GAB1: variants seen among roughly 807,000 people sequenced by gnomAD.
GAB1 encodes the protein GRB2-associated-binding protein 1.
In GAB1, 19 loss-of-function variants were observed where a neutral mutation model predicts 66.5. That is an observed-to-expected ratio of 0.29 (90% CI 0.20 to 0.42). The LOEUF (loss-of-function observed/expected upper bound fraction) is 0.42. GAB1 is among the 10% of genes least tolerant of loss of function. The probability of loss-of-function intolerance (pLI) is 1.00; values close to 1 mark genes in which losing one functional copy is unlikely to be tolerated. For missense variants in GAB1, 732 were observed against 858.5 expected (o/e 0.85, Z 1.84); for synonymous variants, 294 against 301.4 (o/e 0.98, Z 0.25).
chr4:143,345,914 G>T (rs926846575), intron 1 of GAB1, among the ~76,000 whole-genome samples: 1 of 152,204 alleles, frequency 6.6e-6, no homozygotes, highest in African/African-American at 2.4e-5. Flanking sequence ...ATAGAAAATA[G>T]AGACAGGGTC....
At chr4:143,423,298 T>C (rs1305337618) in intron 2 of GAB1, among the ~76,000 whole-genome samples, 2 of 152,196 alleles carry the variant, frequency 1.3e-5, no homozygotes, top group African/African-American at 4.8e-5. Context: ...TATGTTAATG[T>C]GGTTTGGAGT....
At chr4:143,396,408 G>A (rs1731458128) in intron 1 of GAB1, among the ~76,000 whole-genome samples, 1 of 152,184 alleles carries the variant, frequency 6.6e-6, no homozygotes, top group Non-Finnish European at 1.5e-5. Flanking sequence ...GGCAGTGGAA[G>A]GGCATGAGGA....
intron 1 of GAB1, among the ~76,000 whole-genome samples, chr4:143,385,314 T>C (rs753913414): frequency 6.6e-6 from 1 of 152,178 alleles, no homozygotes. Flanking sequence ...GTAGGCTTAT[T>C]ATTGATCACT....
chr4:143,361,504 T>G (rs1729660954), intron 1 of GAB1, among the ~76,000 whole-genome samples: 1 of 152,210 alleles, frequency 6.6e-6, no homozygotes, highest in South Asian at 2.1e-4. Flanking sequence ...TCTGACTAAT[T>G]TAATCATAAA....
At chr4:143,353,596 A>AT (rs34049717) in intron 1 of GAB1, among the ~76,000 whole-genome samples, 83,048 of 143,348 alleles carry the variant, frequency 0.58, 24,041 homozygotes, top group East Asian at 0.7. Flanking sequence ...AGCTATTCTT[A>AT]TTTTTTTTTT....
chr4:143,467,263 T>C (rs940632741), intron 9 of GAB1, among the ~76,000 whole-genome samples: 6 of 152,242 alleles, frequency 3.9e-5, no homozygotes. Context: ...CTAATTGTAA[T>C]TCCCTTGTAG....
At chr4:143,429,217 C>A (rs1209680474) in intron 2 of GAB1, among the ~76,000 whole-genome samples, 1 of 152,166 alleles carries the variant, frequency 6.6e-6, no homozygotes, top group Non-Finnish European at 1.5e-5. Flanking sequence ...ATTCTCCCAC[C>A]TCAGCCTCCT....
intron 1 of GAB1, among the ~76,000 whole-genome samples, chr4:143,361,071 T>C (rs3805257): frequency 0.32 from 49,322 of 151,964 alleles, 8,230 homozygotes; most frequent in South Asian, 0.49. Context: ...TCACTGTTTC[T>C]GTTGGCATAG....
At chr4:143,349,808 G>A (rs895993320) in intron 1 of GAB1, 20 of 1,586,772 alleles carry the variant, frequency 1.3e-5, no homozygotes, top group Middle Eastern at 1.9e-4. Context: ...TGGCCGGCAC[G>A]GGTCTGCTTC....
chr4:143,373,863 A>AC (rs1491277412), intron 1 of GAB1, among the ~76,000 whole-genome samples: 1 of 110,976 alleles, frequency 9.0e-6, no homozygotes. Flanking sequence ...CTCTGTAAAT[A>AC]AATAAATATA....
chr4:143,383,320 A>G (rs1391357645), intron 1 of GAB1, among the ~76,000 whole-genome samples: 1 of 152,234 alleles, frequency 6.6e-6, no homozygotes, highest in Non-Finnish European at 1.5e-5. Flanking sequence ...ATTTCTATAT[A>G]TGATTTGGAC....
intron 6 of GAB1, among the ~76,000 whole-genome samples, chr4:143,441,773 A>C (rs540394023): frequency 6.6e-6 from 1 of 152,186 alleles, no homozygotes; most frequent in South Asian, 2.1e-4. Flanking sequence ...TCTGCTTTCC[A>C]AGAGCTTTGG....
At chr4:143,397,651 A>ATT (rs1209323668) in intron 1 of GAB1, among the ~76,000 whole-genome samples, 1 of 152,196 alleles carries the variant, frequency 6.6e-6, no homozygotes, top group East Asian at 1.9e-4. Flanking sequence ...TATTTGAGCT[A>ATT]TTTTACCCTC....
chr4:143,352,512 G>GA (rs1453664907), intron 1 of GAB1, among the ~76,000 whole-genome samples: 1 of 152,128 alleles, frequency 6.6e-6, no homozygotes, highest in Non-Finnish European at 1.5e-5. Context: ...ATTTGGTTGG[G>GA]AAAAAACAAG....
chr4:143,396,871 T>G (rs576394012), intron 1 of GAB1, among the ~76,000 whole-genome samples: 15 of 152,122 alleles, frequency 9.9e-5, no homozygotes, highest in African/African-American at 3.6e-4. Flanking sequence ...TGGTCAGGGA[T>G]GTAAGGAGCC....
At chr4:143,449,438 G>A (rs1486418371) in intron 6 of GAB1, among the ~76,000 whole-genome samples, 1 of 151,716 alleles carries the variant, frequency 6.6e-6, no homozygotes, top group East Asian at 1.9e-4. Flanking sequence ...TCTCTTTGTA[G>A]GTCACTCAGG....
At chr4:143,367,865 C>T (rs1363447839) in intron 1 of GAB1, among the ~76,000 whole-genome samples, 2 of 151,860 alleles carry the variant, frequency 1.3e-5, no homozygotes, top group African/African-American at 4.8e-5. Context: ...GCTGGGACTA[C>T]AGGTGCCCAC....
chr4:143,400,157 GGT>G (rs2149698213), intron 1 of GAB1, among the ~76,000 whole-genome samples: 1 of 152,206 alleles, frequency 6.6e-6, no homozygotes, highest in African/African-American at 2.4e-5. Context: ...TGGCCAGACT[GGT>G]CTTGATCTCC....
chr4:143,428,273 G>T (rs1369725895), intron 2 of GAB1, among the ~76,000 whole-genome samples: 1 of 152,142 alleles, frequency 6.6e-6, no homozygotes. Context: ...TTAGAATTGA[G>T]TTTGAGACAA....
Sources: gnomAD v4.1 joint callset for allele counts (sites outside exome capture counted in the v4.1 genomes callset) on GRCh38, gnomAD v4.1.1 for gene constraint, MANE v1.5 for transcripts, NCBI Gene and HGNC (gene_info 2026-07-23, HGNC 2026-07-21) for gene names.